The following RNGTT variants were observed in gnomAD, a reference collection of about 807,000 sequenced individuals.
RNGTT encodes mRNA-capping enzyme.
A neutral mutation model predicts 79.3 loss-of-function variants in RNGTT; 33 were observed. That is an observed-to-expected ratio of 0.42 (90% CI 0.32 to 0.56). The LOEUF is 0.56. Among genes scored for constraint, RNGTT ranks in the 20% least tolerant of loss-of-function variants. The pLI is 0.17. For missense variants in RNGTT, 497 were observed against 739.1 expected (o/e 0.67, Z 3.80); for synonymous variants, 222 against 235.9 (o/e 0.94, Z 0.54).
chr6:88,909,377 C>G (rs778836071), intron 4 of RNGTT, among the ~76,000 whole-genome samples: 1 of 151,598 alleles, frequency 6.6e-6, no homozygotes, highest in Non-Finnish European at 1.5e-5. Flanking sequence ...CACACACATA[C>G]GGTGCCACTT....
chr6:88,791,795 TC>T (rs1226113421), intron 12 of RNGTT, among the ~76,000 whole-genome samples: 2 of 152,220 alleles, frequency 1.3e-5, no homozygotes, highest in African/African-American at 4.8e-5. Flanking sequence ...CGCCTTGGCC[TC>T]CCAAAGTGCT....
chr6:88,792,685 A>G (rs1348390671), intron 12 of RNGTT, among the ~76,000 whole-genome samples: 2 of 152,206 alleles, frequency 1.3e-5, no homozygotes, highest in Admixed American at 6.5e-5. Context: ...TGGCAAATCA[A>G]AAGTCTGAAA....
At chr6:88,795,404 C>T (rs892649587) in intron 12 of RNGTT, among the ~76,000 whole-genome samples, 4 of 152,068 alleles carry the variant, frequency 2.6e-5, no homozygotes, top group Non-Finnish European at 4.4e-5. Context: ...GAATAGAACA[C>T]GTTTAATAAC....
rs1167780071 is a variant in RNGTT at position 88,963,559 on chromosome 6, G to A, written c.-150C>T. The A allele has an allele frequency of 3.0e-6, 2 of 663,442 alleles. No individual in the cohort carries two copies. The highest frequency in any genetic ancestry group is 1.9e-5 in the African/African-American group (1 of 52,498). 41.1% of individuals were successfully genotyped at this position (663,442 alleles called of 1,614,324 possible). ...AACCTCTCCGATCCGGGTAACGTCA[G>A]GGGCGGCGCGCCACTTTCATTCAGG... On this transcript the variant is annotated 5_prime_UTR_variant, in exon 1 of 16. Coordinates refer to ENST00000369485, the MANE Select transcript of RNGTT (RefSeq NM_003800.5).
intron 4 of RNGTT, among the ~76,000 whole-genome samples, chr6:88,920,115 T>A (rs1198396945): frequency 6.6e-6 from 1 of 151,652 alleles, no homozygotes; most frequent in Non-Finnish European, 1.5e-5. Flanking sequence ...TAGCCAGACC[T>A]GGTCTCTAAA....
At chr6:88,930,037 T>C (rs534304490) in intron 2 of RNGTT, among the ~76,000 whole-genome samples, 9 of 148,926 alleles carry the variant, frequency 6.0e-5, no homozygotes, top group Admixed American at 1.3e-4. Flanking sequence ...TATGCATATA[T>C]ATGCATATAT....
chr6:88,955,276 C>T (rs777623484), intron 1 of RNGTT, among the ~76,000 whole-genome samples: 189 of 152,128 alleles, frequency 1.2e-3, no homozygotes, highest in Non-Finnish European at 2.1e-3. Context: ...CATCACCAGG[C>T]GTGGTGGCTC....
At chr6:88,787,264 T>C (rs9362560) in intron 12 of RNGTT, among the ~76,000 whole-genome samples, 21,014 of 152,050 alleles carry the variant, frequency 0.14, 1,589 homozygotes, top group Middle Eastern at 0.24. Flanking sequence ...AAGAAAAAAG[T>C]AAACTGGCTC....
chr6:88,710,820 G>A (rs959266191), intron 13 of RNGTT, among the ~76,000 whole-genome samples: 1 of 152,162 alleles, frequency 6.6e-6, no homozygotes, highest in Non-Finnish European at 1.5e-5. Flanking sequence ...ACTCAAAATT[G>A]TAAACCAAGA....
chr6:88,816,156 G>A (rs974075411), intron 11 of RNGTT, among the ~76,000 whole-genome samples: 4 of 152,140 alleles, frequency 2.6e-5, no homozygotes, highest in Admixed American at 2.6e-4. Context: ...ATGCAGCAAA[G>A]TAATTACATG....
At chr6:88,793,792 T>C (rs1779499984) in intron 12 of RNGTT, among the ~76,000 whole-genome samples, 1 of 151,834 alleles carries the variant, frequency 6.6e-6, no homozygotes, top group Admixed American at 6.6e-5. Flanking sequence ...AAAGACTCTG[T>C]CTCCCCCACC....
chr6:88,922,532 A>T (rs1026130301), intron 4 of RNGTT, among the ~76,000 whole-genome samples: 18 of 151,964 alleles, frequency 1.2e-4, no homozygotes, highest in Non-Finnish European at 2.5e-4. Flanking sequence ...CCTTAAAAAA[A>T]AATTTTTTTT....
intron 13 of RNGTT, among the ~76,000 whole-genome samples, chr6:88,688,077 T>G (rs1399480680): frequency 2.0e-5 from 3 of 152,130 alleles, no homozygotes; most frequent in African/African-American, 7.2e-5. Flanking sequence ...AAAATAGTAT[T>G]TTGACTATAT....
At chr6:88,757,205 C>T (rs112121539) in intron 13 of RNGTT, among the ~76,000 whole-genome samples, 1,993 of 152,066 alleles carry the variant, frequency 0.013, 40 homozygotes, top group African/African-American at 0.045. Context: ...CAATGACCTA[C>T]CACAGTGAAA....
intron 1 of RNGTT, among the ~76,000 whole-genome samples, chr6:88,943,400 C>T (rs540202194): frequency 6.6e-6 from 1 of 152,268 alleles, no homozygotes; most frequent in Non-Finnish European, 1.5e-5. Flanking sequence ...CAGCAAATCC[C>T]GTAGCTCCAC....
chr6:88,653,669 C>T (rs1773875372), intron 14 of RNGTT, among the ~76,000 whole-genome samples: 1 of 151,968 alleles, frequency 6.6e-6, no homozygotes, highest in African/African-American at 2.4e-5. Flanking sequence ...TAATTAGAAC[C>T]AGAGCTTTTA....
intron 13 of RNGTT, among the ~76,000 whole-genome samples, chr6:88,693,340 C>CTA (rs1437317272): frequency 2.0e-5 from 3 of 152,050 alleles, no homozygotes; most frequent in Non-Finnish European, 2.9e-5. Flanking sequence ...TTATGAACAA[C>CTA]TATATGCCAA....
At chr6:88,790,251 C>T (rs1001217944) in intron 12 of RNGTT, among the ~76,000 whole-genome samples, 1 of 152,178 alleles carries the variant, frequency 6.6e-6, no homozygotes, top group African/African-American at 2.4e-5. Context: ...ATATAAATAA[C>T]AGGTAACCTA....
At chr6:88,891,477 G>A (rs1582589681) in intron 7 of RNGTT, among the ~76,000 whole-genome samples, 1 of 152,120 alleles carries the variant, frequency 6.6e-6, no homozygotes, top group African/African-American at 2.4e-5. Context: ...ACTGGAAAAT[G>A]AGGCAGATCC....
Sources: allele counts gnomAD v4.1 joint callset (sites outside exome capture counted in the v4.1 genomes callset), GRCh38; gene constraint gnomAD v4.1.1; transcripts MANE v1.5; gene names NCBI Gene and HGNC (gene_info 2026-07-23, HGNC 2026-07-21).